Variants in ANKS1B observed in about 807,000 individuals in gnomAD.
The protein encoded by ANKS1B is ankyrin repeat and sterile alpha motif domain-containing protein 1B.
In ANKS1B, 36 loss-of-function variants were observed where a neutral mutation model predicts 148.3. The ratio of observed to expected loss-of-function variants is 0.24; its 90% confidence interval spans 0.19 to 0.32. The LOEUF (loss-of-function observed/expected upper bound fraction) is 0.32, where lower values mean the gene tolerates loss of function less well. ANKS1B is among the 10% of genes least tolerant of loss of function. ANKS1B has a pLI of 1.00. For synonymous variants in ANKS1B, 542 were observed against 560.8 expected, an observed-to-expected ratio of 0.97 and a Z score of 0.47; for missense variants, 1,157 against 1,542.6, an observed-to-expected ratio of 0.75 and a Z score of 4.19.
chr12:98,906,149 C>A (rs975142994), intron 17 of ANKS1B, among the ~76,000 whole-genome samples: 7 of 152,202 alleles, frequency 4.6e-5, no homozygotes, highest in Admixed American at 4.6e-4. Flanking sequence ...ATTTGCTTTT[C>A]TCTCCTTTCT....
chr12:99,078,020 T>C (rs11837395), intron 16 of ANKS1B, among the ~76,000 whole-genome samples: 1 of 152,086 alleles, frequency 6.6e-6, no homozygotes, highest in Non-Finnish European at 1.5e-5. Flanking sequence ...ACAGTTTTTT[T>C]GGGGGGTGAG....
chr12:98,967,519 T>C (rs2099879244), intron 17 of ANKS1B, among the ~76,000 whole-genome samples: 1 of 151,478 alleles, frequency 6.6e-6, no homozygotes. Flanking sequence ...GGTGCTGTGA[T>C]GTCTGGATAT....
At chr12:99,688,274 C>T (rs1019576359) in intron 8 of ANKS1B, among the ~76,000 whole-genome samples, 2 of 152,206 alleles carry the variant, frequency 1.3e-5, no homozygotes, top group Non-Finnish European at 2.9e-5. Context: ...TACCTGAAAT[C>T]TAAACTCTGT....
chr12:98,956,452 A>G (rs1220179817), intron 17 of ANKS1B: 1 of 152,124 alleles, frequency 6.6e-6, no homozygotes, highest in East Asian at 1.9e-4. Flanking sequence ...AAACATTTCC[A>G]AAGGCTTTCT....
At chr12:99,038,715 G>A (rs2099957057) in intron 17 of ANKS1B, among the ~76,000 whole-genome samples, 1 of 152,138 alleles carries the variant, frequency 6.6e-6, no homozygotes, top group Non-Finnish European at 1.5e-5. Context: ...TGGCTTCCTT[G>A]CTGGTCCTCA....
chr12:99,248,602 G>A (rs1226009341), intron 12 of ANKS1B, among the ~76,000 whole-genome samples: 1 of 152,170 alleles, frequency 6.6e-6, no homozygotes, highest in Non-Finnish European at 1.5e-5. Flanking sequence ...CATTCTAGGG[G>A]TAGAATAGTG....
rs568868735 is a variant in ANKS1B at position 99,519,928 on chromosome 12, T to C, written c.1273-15287A>G. Among the ~76,000 whole-genome samples, 3 of 152,300 alleles carry C rather than the reference T, an allele frequency of 2.0e-5. No homozygotes were observed. In the East Asian group the frequency reaches 5.8e-4, roughly 29 times the overall value. On this transcript the variant is annotated intron_variant, in intron 9 of 26. Coordinates refer to ENST00000683438, the MANE Select transcript of ANKS1B (RefSeq NM_001352186.2). Reference sequence around the variant, plus strand: ...TTAACAATGATTGCTTAAACAAACATGCAAAAAGTAAACTAATGAAGGCTC... The same window carrying C: ...TTAACAATGATTGCTTAAACAAACACGCAAAAAGTAAACTAATGAAGGCTC...
rs372695232 is a variant in ANKS1B, at chr12:99,309,511, A to C, written c.1757-62647T>G. ...GGATTTTCAAGGTTAAAAATCACTA[A>C]GTGTGAGTCTTGTCTTTAGGAATCA... On this transcript the variant is annotated intron_variant, in intron 12 of 26. Transcript: ENST00000683438. Among the ~76,000 whole-genome samples the C allele has an allele frequency of 3.9e-4, 60 of 152,186 alleles. 2 individuals carry two copies. In the East Asian group the frequency reaches 9.7e-3, roughly 24 times the overall value.
rs531378115 is a variant in ANKS1B at position 99,046,914 on chromosome 12, T to G, written c.2778+6243A>C. The stretch of plus-strand genomic sequence containing the variant: ...TACACTGCATAGTAACAGTGACAGA[T>G]TAGCTATTCTAAGAAGAAAAGATGA... On this transcript the variant is annotated intron_variant, in intron 17 of 26. Coordinates refer to ENST00000683438, the MANE Select transcript of ANKS1B (RefSeq NM_001352186.2). Among the ~76,000 whole-genome samples the G allele has an allele frequency of 1.4e-4, 21 of 151,814 alleles. No homozygotes were observed. In the East Asian group the frequency reaches 4.1e-3, roughly 29 times the overall value.
At chr12:98,887,969 GTCTT>G (rs1417206729) in intron 17 of ANKS1B, among the ~76,000 whole-genome samples, 2 of 152,242 alleles carry the variant, frequency 1.3e-5, no homozygotes, top group South Asian at 2.1e-4. Context: ...CAGTTATAAA[GTCTT>G]TCTTTCTATC....
intron 14 of ANKS1B, among the ~76,000 whole-genome samples, chr12:99,241,033 G>T (rs530815933): frequency 4.6e-5 from 7 of 152,122 alleles, no homozygotes; most frequent in Admixed American, 1.3e-4. Flanking sequence ...CAGAAGACAA[G>T]AAATAATTAA....
intron 17 of ANKS1B, among the ~76,000 whole-genome samples, chr12:98,863,616 T>C (rs2099610483): frequency 6.6e-6 from 1 of 152,238 alleles, no homozygotes; most frequent in African/African-American, 2.4e-5. Flanking sequence ...GGTATTCTTA[T>C]ATATAAAGAG....
chr12:99,500,593 G>T (rs1853192771), intron 10 of ANKS1B, among the ~76,000 whole-genome samples: 1 of 152,110 alleles, frequency 6.6e-6, no homozygotes, highest in Non-Finnish European at 1.5e-5. Context: ...TTGTTTTGGG[G>T]TGGCCTGTTA....
intron 22 of ANKS1B, among the ~76,000 whole-genome samples, chr12:98,790,631 T>C (rs533296966): frequency 3.3e-5 from 5 of 152,272 alleles, no homozygotes; most frequent in African/African-American, 1.2e-4. Flanking sequence ...CCAGCTGTTA[T>C]TGTTATTCTG....
intron 9 of ANKS1B, among the ~76,000 whole-genome samples, chr12:99,534,710 C>CTTTTTTTTTTTTTTTTTTTTTTTTT (rs143251962): frequency 8.1e-6 from 1 of 123,834 alleles, no homozygotes; most frequent in African/African-American, 3.1e-5. Context: ...TTTTTCTTTT[C>CTTTTTTTTTTTTTTTTTTTTTTTTT]TTTTTTTTTT....
At chr12:99,552,043 AAC>A (rs2153169484) in intron 9 of ANKS1B, among the ~76,000 whole-genome samples, 1 of 152,284 alleles carries the variant, frequency 6.6e-6, no homozygotes, top group South Asian at 2.1e-4. Context: ...ATGTACCAAG[AAC>A]ACTGTTCCTT....
At chr12:99,274,316 A>C (rs973006937) in intron 12 of ANKS1B, among the ~76,000 whole-genome samples, 1 of 152,146 alleles carries the variant, frequency 6.6e-6, no homozygotes, top group African/African-American at 2.4e-5. Flanking sequence ...TGTAATGAAC[A>C]GTCTGTTCTT....
chr12:99,483,218 G>A (rs1346831033), intron 10 of ANKS1B, among the ~76,000 whole-genome samples: 1 of 151,162 alleles, frequency 6.6e-6, no homozygotes, highest in Non-Finnish European at 1.5e-5. Flanking sequence ...AAAGTATGCT[G>A]GATTTTGTCA....
chr12:99,616,363 A>G (rs1269441641), intron 9 of ANKS1B, among the ~76,000 whole-genome samples: 2 of 152,202 alleles, frequency 1.3e-5, no homozygotes, highest in Non-Finnish European at 2.9e-5. Flanking sequence ...ACAAAGCTGG[A>G]GGCATCACGC....
Sources: gnomAD v4.1 joint callset for allele counts (sites outside exome capture counted in the v4.1 genomes callset) on GRCh38, gnomAD v4.1.1 for gene constraint, MANE v1.5 for transcripts, NCBI Gene and HGNC (gene_info 2026-07-23, HGNC 2026-07-21) for gene names.